Variants in TMEM109 observed in about 807,000 individuals in gnomAD.
TMEM109 encodes transmembrane protein 109.
A neutral mutation model predicts 26.4 loss-of-function variants in TMEM109; 19 were observed. The observed-to-expected ratio is 0.72, with a 90% confidence interval of 0.50 to 1.06. TMEM109 has a LOEUF of 1.06. TMEM109 is among the 50% of genes least tolerant of loss of function. TMEM109 has a pLI of 0.00. For missense variants in TMEM109, 262 were observed against 303.4 expected (o/e 0.86, Z 1.01); for synonymous variants, 129 against 142.0 (o/e 0.91, Z 0.65).
chr11:60,922,169 G>C lies in TMEM109; in HGVS notation c.*4G>C. 6.3e-7 allele frequency: 1 copy of C among 1,576,248 alleles called. No homozygotes were observed. The highest frequency in any genetic ancestry group is 8.6e-7 in the Non-Finnish European group (1 of 1,160,840). On this transcript the variant is annotated 3_prime_UTR_variant, in exon 4 of 4. Transcript: ENST00000227525. Reference sequence around the variant, plus strand: ...CCGCAGTGTGGAGGAGGAGTGAGCCGGATGCCCCACACACCGCCAGTGTCA... The same window carrying C: ...CCGCAGTGTGGAGGAGGAGTGAGCCCGATGCCCCACACACCGCCAGTGTCA...
In TMEM109 at chr11:60,919,899, T is replaced by C. The variant is rs1397560742; in HGVS notation, c.206T>C (p.Ile69Thr). The change falls in exon 2 of 4, where the codon ATT becomes ACT. Residue 69 changes from isoleucine (I) to threonine (T), a missense_variant. By Grantham distance (89) the Ile-to-Thr change is moderately conservative (BLOSUM62 -1). Transcript: ENST00000227525. Reference protein sequence around the residue: ...RSVRGTLDAWIGPETMHLVSE... With the variant: ...RSVRGTLDAWTGPETMHLVSE... Reference sequence around the variant, plus strand: ...GTGCGAGGGACACTGGATGCCTGGATTGGGCCAGAGACCATGCACCTGGTG... The same window carrying C: ...GTGCGAGGGACACTGGATGCCTGGACTGGGCCAGAGACCATGCACCTGGTG... 1 of 1,614,148 alleles carries C rather than the reference T, an allele frequency of 6.2e-7. No individual in the cohort carries two copies. Among genetic ancestry groups the C allele is most frequent in the Non-Finnish European group, 8.5e-7 (1 of 1,180,018 alleles).
In TMEM109 at chr11:60,920,881, C is replaced by T; in HGVS notation, c.238-5C>T. 1 of 1,613,472 alleles carries T rather than the reference C, an allele frequency of 6.2e-7. No homozygotes were observed. The highest frequency in any genetic ancestry group is 8.5e-7 in the Non-Finnish European group (1 of 1,179,412). The stretch of plus-strand genomic sequence containing the variant: ...AACTCATCTCGCTCCGTGCTCTTTC[C>T]ACAGTCTTCGTCCCAAGTGTTGTGG... On this transcript the variant is annotated splice_region_variant and splice_polypyrimidine_tract_variant and intron_variant, in intron 2 of 3. Transcript: ENST00000227525.
chr11:60,918,661 A>C (rs1171087365), intron 1 of TMEM109: 1 of 151,774 alleles, frequency 6.6e-6, no homozygotes, highest in Non-Finnish European at 1.5e-5. Flanking sequence ...TGGGGTGTCA[A>C]AGAAGTACTT....
Position 60,920,867 on chromosome 11 carries a change from C to T in TMEM109, c.238-19C>T, listed in dbSNP as rs1856227689. On this transcript the variant is annotated intron_variant, in intron 2 of 3. Transcript: ENST00000227525. ...CGTTGTTCATTATGAACTCATCTCG[C>T]TCCGTGCTCTTTCCACAGTCTTCGT... 6.2e-7 allele frequency: 1 copy of T among 1,606,440 alleles called. No homozygotes were observed. The highest frequency in any genetic ancestry group is 1.7e-5 in the Admixed American group (1 of 60,006).
rs1856214220 is a variant in TMEM109, at chr11:60,919,833, G to A, written c.140G>A (p.Arg47Lys). 2 of 1,614,232 alleles carry A rather than the reference G, an allele frequency of 1.2e-6. No homozygotes were observed. The highest frequency in any genetic ancestry group is 1.7e-6 in the Non-Finnish European group (2 of 1,180,034). Residue 47 changes from arginine to lysine, a missense_variant, in exon 2 of 4, where the codon AGA becomes AAA. Arg to Lys is a conservative substitution (Grantham distance 26). Transcript: ENST00000227525. ...TTTGCACCACCAGGCCAACAGAAGA[G>A]AGAAGCCCCAGTTGATGTCTTGACC... ...RDFAPPGQQK[R>K]EAPVDVLTQI...
At chr11:60,921,047 G>A (rs1227150285) in intron 3 of TMEM109, 59 bp downstream of exon 3, 5 of 1,447,638 alleles carry the variant, frequency 3.5e-6, no homozygotes, top group East Asian at 2.3e-5. Context: ...CCTACTTGTG[G>A]GAGTTCATCT....
chr11:60,921,874 G>A lies in TMEM109; in HGVS notation c.441G>A (p.Leu147=), dbSNP rs148897091. The change falls in exon 4 of 4, where the codon CTG becomes CTA. Residue 147 remains leucine (L), a synonymous_variant. Coordinates refer to ENST00000227525, the MANE Select transcript of TMEM109 (RefSeq NM_024092.3). ...TGGTCGTCTACTGGCTGCTGTCTCTGCTCCTCGGCTTGGTCTTGGCCTTGC... is the reference window on the plus strand; with the variant it reads ...TGGTCGTCTACTGGCTGCTGTCTCTACTCCTCGGCTTGGTCTTGGCCTTGC... ...GALVVYWLLS[L]LLGLVLALLG... is the part of the protein sequence containing the mutation. 1.8e-4 allele frequency: 291 copies of A among 1,614,198 alleles called. 3 individuals are homozygous for A. The African/African-American group carries it at 3.3e-3, about 18-fold the overall frequency.
At position 60,922,166 on chromosome 11, in the gene TMEM109, G is replaced by A. The variant is rs1410206782; in HGVS notation, c.*1G>A. 4 of 1,579,204 alleles carry A rather than the reference G, an allele frequency of 2.5e-6. No homozygotes were observed. Among genetic ancestry groups the A allele is most frequent in the Non-Finnish European group, 2.6e-6 (3 of 1,162,392 alleles). On this transcript the variant is annotated 3_prime_UTR_variant, in exon 4 of 4. Transcript: ENST00000227525. ...GGCCCGCAGTGTGGAGGAGGAGTGA[G>A]CCGGATGCCCCACACACCGCCAGTG... is the stretch of plus-strand genomic sequence containing the variant.
At chr11:60,921,392 C>T (rs1478631131) in intron 3 of TMEM109, among the ~76,000 whole-genome samples, 2 of 152,136 alleles carry the variant, frequency 1.3e-5, no homozygotes, top group African/African-American at 4.8e-5. Flanking sequence ...TGCACTCCAG[C>T]CTCGGCGATG....
chr11:60,918,057 C>A (rs1339407258), intron 1 of TMEM109, among the ~76,000 whole-genome samples: 1 of 152,144 alleles, frequency 6.6e-6, no homozygotes, highest in Admixed American at 6.5e-5. Flanking sequence ...TACCTACATT[C>A]AAATGCTGAT....
intron 2 of TMEM109, among the ~76,000 whole-genome samples, chr11:60,920,609 T>G (rs1260029095): frequency 6.6e-6 from 1 of 152,190 alleles, no homozygotes; most frequent in African/African-American, 2.4e-5. Context: ...CTCCAAAGTA[T>G]CCCAGCAAAG....
In TMEM109 at chr11:60,914,467, G is replaced by C. The variant is rs1434579523; in HGVS notation, c.-9+199G>C. On this transcript the variant is annotated intron_variant, in intron 1 of 3. Coordinates refer to ENST00000227525, the MANE Select transcript of TMEM109 (RefSeq NM_024092.3). ...GGGGCGTCGTTTCCAGGCAACCCGG[G>C]AGGCGCACGTTTCCGGGGAGAAGAG... Among the ~76,000 whole-genome samples the C allele has an allele frequency of 2.6e-5, 4 of 151,888 alleles. 1 individual carries two copies. Among genetic ancestry groups the C allele is most frequent in the Admixed American group, 2.0e-4 (3 of 15,282 alleles).
At chr11:60,918,718 C>G (rs1195378271) in intron 1 of TMEM109, 1 of 151,786 alleles carries the variant, frequency 6.6e-6, no homozygotes, top group Non-Finnish European at 1.5e-5. Flanking sequence ...AGCTCCCAGG[C>G]TCTGCAGGAG....
At chr11:60,917,220 G>C (rs1255395201) in intron 1 of TMEM109, among the ~76,000 whole-genome samples, 1 of 152,046 alleles carries the variant, frequency 6.6e-6, no homozygotes, top group Non-Finnish European at 1.5e-5. Context: ...AGCAAGACTA[G>C]GACATCATTC....
At chr11:60,919,027 G>A (rs975266742) in intron 1 of TMEM109, 37 of 152,918 alleles carry the variant, frequency 2.4e-4, no homozygotes, top group African/African-American at 7.5e-4. Flanking sequence ...GCAGAAGCTT[G>A]GGTTCAAATC....
At chr11:60,917,667 C>CTT (rs559644070) in intron 1 of TMEM109, among the ~76,000 whole-genome samples, 1 of 149,214 alleles carries the variant, frequency 6.7e-6, no homozygotes, top group Non-Finnish European at 1.5e-5. Flanking sequence ...TGTTGTGTGA[C>CTT]TTTTTTTTTT....
chr11:60,914,962 T>C (rs186060663), intron 1 of TMEM109, among the ~76,000 whole-genome samples: 253 of 152,322 alleles, frequency 1.7e-3, no homozygotes, highest in African/African-American at 5.8e-3. Flanking sequence ...TATATTTGGA[T>C]CTACTATTAA....
At chr11:60,914,677 C>A (rs1473980443) in intron 1 of TMEM109, among the ~76,000 whole-genome samples, 1 of 152,258 alleles carries the variant, frequency 6.6e-6, no homozygotes, top group Non-Finnish European at 1.5e-5. Flanking sequence ...CGACGCTACC[C>A]CTCAGCGCTT....
chr11:60,922,310 A>C lies in TMEM109; in HGVS notation c.*145A>C, dbSNP rs1424765135. ...GATCCTTGCCGCAGCCCCACTAGCC[A>C]AGAGAAACAGAGAAAGACCATTCCC... is the stretch of plus-strand genomic sequence containing the variant. On this transcript the variant is annotated 3_prime_UTR_variant, in exon 4 of 4. Coordinates refer to ENST00000227525, the MANE Select transcript of TMEM109 (RefSeq NM_024092.3). 6.5e-6 allele frequency: 10 copies of C among 1,538,898 alleles called. No homozygotes were observed. The Admixed American group carries it at 1.6e-4, about 24-fold the overall frequency.
Sources: gnomAD v4.1 joint callset for allele counts (sites outside exome capture counted in the v4.1 genomes callset) on GRCh38, gnomAD v4.1.1 for gene constraint, MANE v1.5 for transcripts, NCBI Gene and HGNC (gene_info 2026-07-23, HGNC 2026-07-21) for gene names.